DCDC2: variants seen among roughly 807,000 people sequenced by gnomAD.
The protein encoded by DCDC2 is doublecortin domain containing 2, also known as doublecortin domain-containing protein 2.
In DCDC2, 40 loss-of-function variants were observed where a neutral mutation model predicts 50.2. The observed-to-expected ratio is 0.80, with a 90% CI of 0.62 to 1.04. The LOEUF (loss-of-function observed/expected upper bound fraction) is 1.04. Ranked by LOEUF, DCDC2 falls within the 50% of genes least tolerant of loss-of-function variation. DCDC2 has a pLI of 0.00. For synonymous variants in DCDC2, 234 were observed against 210.6 expected, an observed-to-expected ratio of 1.11 and a Z score of -0.96; for missense variants, 570 against 581.9, an observed-to-expected ratio of 0.98 and a Z score of 0.21.
rs1413159514 is a variant in DCDC2, at chr6:24,357,567, C to T, written c.184G>A (p.Val62Ile). ...GTCCGCGGGGTGTAGATGTTCCTGA[C>T]GGCCCCAAAGGGTGCCTGAACGCCG... ...TGGVQAPFGA[V>I]RNIYTPRTGH... Residue 62 changes from valine (V) to isoleucine (I), a missense_variant, in exon 1 of 10, where the codon GTC becomes ATC. Val to Ile is a conservative substitution (Grantham distance 29, BLOSUM62 3). Coordinates refer to ENST00000378454, the MANE Select transcript of DCDC2 (RefSeq NM_016356.5). The T allele has an allele frequency of 6.2e-7, 1 of 1,613,422 alleles. No homozygotes were observed. The highest frequency in any genetic ancestry group is 8.5e-7 in the Non-Finnish European group (1 of 1,180,002).
Position 24,318,355 on chromosome 6 carries a change from G to A in DCDC2, c.349-16311C>T, listed in dbSNP as rs142280250. 3.2e-3 allele frequency among the ~76,000 whole-genome samples: 484 copies of A among 152,174 alleles called. 2 individuals carry two copies. Among genetic ancestry groups the A allele is most frequent in the African/African-American group, 9.9e-3 (413 of 41,546 alleles). The stretch of plus-strand genomic sequence containing the variant: ...AAAGATCTTTACATACCAATATGGA[G>A]AGGTTTCCAAGACATACTGGGTTTT... On this transcript the variant is annotated intron_variant, in intron 2 of 9. Coordinates refer to ENST00000378454, the MANE Select transcript of DCDC2 (RefSeq NM_016356.5).
At chr6:24,266,805 G>A (rs1763131770) in intron 7 of DCDC2, among the ~76,000 whole-genome samples, 1 of 152,076 alleles carries the variant, frequency 6.6e-6, no homozygotes, top group African/African-American at 2.4e-5. Flanking sequence ...CCACTGCTAG[G>A]GATATACCCA....
At chr6:24,322,262 G>T (rs555132764) in intron 2 of DCDC2, among the ~76,000 whole-genome samples, 1 of 152,196 alleles carries the variant, frequency 6.6e-6, no homozygotes, top group South Asian at 2.1e-4. Context: ...CCTATCTAAG[G>T]GGTCTGGGGA....
intron 7 of DCDC2, among the ~76,000 whole-genome samples, chr6:24,221,544 G>A (rs1370522695): frequency 6.6e-6 from 1 of 152,166 alleles, no homozygotes; most frequent in African/African-American, 2.4e-5. Flanking sequence ...GAGAGGAGAC[G>A]ACACTGTTTC....
At chr6:24,349,342 CT>C (rs1581665063) in intron 2 of DCDC2, among the ~76,000 whole-genome samples, 1 of 152,198 alleles carries the variant, frequency 6.6e-6, no homozygotes, top group South Asian at 2.1e-4. Context: ...TCATGCATGT[CT>C]TAATCATTTT....
At chr6:24,301,647 C>T (rs2113837979) in intron 4 of DCDC2, 68 bp downstream of exon 4, 4 of 1,580,622 alleles carry the variant, frequency 2.5e-6, no homozygotes, top group Non-Finnish European at 3.4e-6. Flanking sequence ...ACCAGTGACT[C>T]CGGAGCCTCC....
chr6:24,208,858 T>C (rs1262224108), intron 7 of DCDC2, among the ~76,000 whole-genome samples: 1 of 152,224 alleles, frequency 6.6e-6, no homozygotes, highest in Non-Finnish European at 1.5e-5. Context: ...TTCTTTAAAC[T>C]GAACTAACAA....
At chr6:24,261,156 C>G (rs950576659) in intron 7 of DCDC2, among the ~76,000 whole-genome samples, 20 of 150,466 alleles carry the variant, frequency 1.3e-4, no homozygotes, top group African/African-American at 4.9e-4. Flanking sequence ...TCTCAGCTAA[C>G]ATCTTCTCCA....
intron 8 of DCDC2, among the ~76,000 whole-genome samples, chr6:24,199,627 C>T (rs1314484697): frequency 6.6e-6 from 1 of 152,146 alleles, no homozygotes; most frequent in Non-Finnish European, 1.5e-5. Context: ...CACAACTCCT[C>T]ACCAGCAAGG....
chr6:24,352,500 T>G (rs775781730), intron 2 of DCDC2, among the ~76,000 whole-genome samples: 7 of 152,190 alleles, frequency 4.6e-5, no homozygotes, highest in Non-Finnish European at 8.8e-5. Context: ...ATCAATTTGA[T>G]GCACTGAAAA....
At chr6:24,367,389 C>T in the DCDC2 span, among the ~76,000 whole-genome samples, 5 of 152,280 alleles carry the variant, frequency 3.3e-5, no homozygotes, top group South Asian at 1.0e-3. Flanking sequence ...AAATATGGAA[C>T]CTCAAAGAGT....
intron 2 of DCDC2, among the ~76,000 whole-genome samples, chr6:24,336,322 T>C (rs1760056376): frequency 1.3e-5 from 2 of 152,092 alleles, no homozygotes; most frequent in South Asian, 4.1e-4. Flanking sequence ...AGAGACTTCT[T>C]TTTTTTTCCA....
chr6:24,273,525 A>G (rs867737879), intron 7 of DCDC2, among the ~76,000 whole-genome samples: 3 of 152,226 alleles, frequency 2.0e-5, no homozygotes, highest in African/African-American at 7.2e-5. Flanking sequence ...TAGCTTATTA[A>G]ACAACACTAG....
At chr6:24,216,033 G>T (rs976674202) in intron 7 of DCDC2, among the ~76,000 whole-genome samples, 4 of 152,152 alleles carry the variant, frequency 2.6e-5, no homozygotes, top group African/African-American at 9.7e-5. Flanking sequence ...GATGGGGGTG[G>T]TTAGAAAGGA....
rs186372293 is a variant in DCDC2 at position 24,266,298 on chromosome 6, G to A, written c.922+11751C>T. Among the ~76,000 whole-genome samples, 256 of 152,170 alleles carry A rather than the reference G, an allele frequency of 1.7e-3. 2 individuals are homozygous for A. The highest frequency in any genetic ancestry group is 0.016 in the South Asian group (75 of 4,824). On this transcript the variant is annotated intron_variant, in intron 7 of 9. Transcript: ENST00000378454. ...ATTGGTCTGGGCAAAGATTTCTTGA[G>A]TAATACCCCATAAGCACAAGATTAT...
At chr6:24,362,374 G>GATACAATTA (rs1475532131), upstream of DCDC2, among the ~76,000 whole-genome samples, 37 of 88,668 alleles carry the variant, frequency 4.2e-4, 8 homozygotes, top group South Asian at 1.9e-3. Context: ...TTAATTGTAT[G>GATACAATTA]TTTATACAAT....
At chr6:24,304,408 G>A (rs975662014) in intron 2 of DCDC2, among the ~76,000 whole-genome samples, 8 of 152,152 alleles carry the variant, frequency 5.3e-5, no homozygotes, top group South Asian at 2.1e-4. Context: ...GCTTGAAACC[G>A]GGAGGCAGAG....
intron 7 of DCDC2, among the ~76,000 whole-genome samples, chr6:24,234,230 TA>T (rs5874971): frequency 0.51 from 72,305 of 141,254 alleles, 19,795 homozygotes; most frequent in Non-Finnish European, 0.62. Context: ...AAGGAGACCA[TA>T]AAAAAAAAAA....
Position 24,186,823 on chromosome 6 carries a change from G to A in DCDC2, c.1024-8191C>T, listed in dbSNP as rs551600099. On this transcript the variant is annotated intron_variant, in intron 8 of 9. Coordinates refer to ENST00000378454, the MANE Select transcript of DCDC2 (RefSeq NM_016356.5). ...CTGTACCCTCCCTCACAATTATTAT[G>A]TCGAAGTCTTAACCCCAGTACCTCA... 1.1e-4 allele frequency among the ~76,000 whole-genome samples: 17 copies of A among 152,218 alleles called. No homozygotes were observed. In the East Asian group the frequency reaches 3.1e-3, roughly 28 times the overall value.
Sources: gnomAD v4.1 joint callset for allele counts (sites outside exome capture counted in the v4.1 genomes callset) on GRCh38, gnomAD v4.1.1 for gene constraint, MANE v1.5 for transcripts, NCBI Gene and HGNC (gene_info 2026-07-23, HGNC 2026-07-21) for gene names.